EML1: variants seen among roughly 807,000 people sequenced by gnomAD.
EML1 encodes the protein EMAP like 1.
In EML1, 27 loss-of-function variants were observed where a neutral mutation model predicts 110.4. That is an observed-to-expected ratio of 0.24 (90% CI 0.18 to 0.34). The LOEUF (loss-of-function observed/expected upper bound fraction) is 0.34. Ranked by LOEUF, EML1 falls within the 10% of genes least tolerant of loss-of-function variation. The pLI, the probability that EML1 is intolerant of heterozygous loss-of-function variation, is 1.00. For missense variants in EML1, 741 were observed against 1,030.9 expected (o/e 0.72, Z 3.85); for synonymous variants, 344 against 385.8 (o/e 0.89, Z 1.27).
At chr14:99,938,083 C>T (rs1384400698) in intron 20 of EML1, among the ~76,000 whole-genome samples, 171 bp downstream of exon 20, 1 of 152,108 alleles carries the variant, frequency 6.6e-6, no homozygotes, top group African/African-American at 2.4e-5. Context: ...CCTGGGCTTG[C>T]CTGGCCGTGG....
chr14:99,894,256 C>G (rs1414480506), intron 5 of EML1, among the ~76,000 whole-genome samples: 3 of 152,088 alleles, frequency 2.0e-5, no homozygotes, highest in African/African-American at 7.2e-5. Flanking sequence ...ATACATTGAA[C>G]TCAAAAACTT....
At position 99,932,392 on chromosome 14, in the gene EML1, C is replaced by T. The variant is rs139086336; in HGVS notation, c.1910-3637C>T. 4.4e-3 allele frequency among the ~76,000 whole-genome samples: 671 copies of T among 152,182 alleles called. 5 individuals carry two copies. The highest frequency in any genetic ancestry group is 7.9e-3 in the Non-Finnish European group (534 of 68,022). On this transcript the variant is annotated intron_variant, in intron 17 of 21. Coordinates refer to ENST00000262233, the MANE Select transcript of EML1 (RefSeq NM_004434.3). ...GTGGCTCACATCTGTAATCCCAGCA[C>T]TTTGGGAGGCCGAGGCAAGTGGATT... is the stretch of plus-strand genomic sequence containing the variant.
intron 1 of EML1, among the ~76,000 whole-genome samples, chr14:99,811,640 CAAAAAAAA>C (rs71113224): frequency 0.015 from 1,749 of 120,018 alleles, 32 homozygotes; most frequent in African/African-American, 0.053. Context: ...CTGTCTCTAC[CAAAAAAAA>C]AAAAAAAAAA....
chr14:99,836,528 T>C (rs2058543760), intron 1 of EML1, among the ~76,000 whole-genome samples: 1 of 152,226 alleles, frequency 6.6e-6, no homozygotes, highest in African/African-American at 2.4e-5. Flanking sequence ...TTGCACTAGC[T>C]AGGACTTGCA....
intron 1 of EML1, among the ~76,000 whole-genome samples, chr14:99,749,918 G>A (rs577998360): frequency 3.6e-4 from 55 of 152,334 alleles, no homozygotes; most frequent in African/African-American, 1.3e-3. Context: ...GCTGCTCCCC[G>A]ATGGGGTGAC....
intron 17 of EML1, among the ~76,000 whole-genome samples, chr14:99,931,698 A>T (rs1159093169): frequency 6.6e-6 from 1 of 152,170 alleles, no homozygotes; most frequent in South Asian, 2.1e-4. Flanking sequence ...GACCCAAGAA[A>T]CAGGCTGTGC....
At position 99,933,444 on chromosome 14, in the gene EML1, G is replaced by A. The variant is rs534891866; in HGVS notation, c.1910-2585G>A. Among the ~76,000 whole-genome samples, 6 of 152,330 alleles carry A rather than the reference G, an allele frequency of 3.9e-5. 1 individual carries two copies. Among genetic ancestry groups the A allele is most frequent in the Admixed American group, 3.9e-4 (6 of 15,308 alleles). On this transcript the variant is annotated intron_variant, in intron 17 of 21. Coordinates refer to ENST00000262233, the MANE Select transcript of EML1 (RefSeq NM_004434.3). ...GCCCACCTCAGCCTTCCAAAGTGCT[G>A]GGATTAGAAGCGTGAGCCACTGCAC...
At chr14:99,917,468 C>T (rs2060052273) in intron 15 of EML1, among the ~76,000 whole-genome samples, 2 of 152,076 alleles carry the variant, frequency 1.3e-5, no homozygotes, top group Non-Finnish European at 2.9e-5. Flanking sequence ...CCAGCTGCTT[C>T]AGAGGCTGAG....
intron 17 of EML1, among the ~76,000 whole-genome samples, chr14:99,929,704 C>A (rs534683928): frequency 7.2e-5 from 11 of 152,160 alleles, no homozygotes; most frequent in Admixed American, 5.9e-4. Context: ...AGACCTAAGA[C>A]TAAAGAGAGA....
intron 4 of EML1, among the ~76,000 whole-genome samples, chr14:99,881,959 A>G (rs564431250): frequency 6.6e-6 from 1 of 152,226 alleles, no homozygotes; most frequent in Admixed American, 6.5e-5. Flanking sequence ...TTTCTTTACA[A>G]ATGGTCACTG....
intron 1 of EML1, among the ~76,000 whole-genome samples, chr14:99,749,093 G>C (rs543963177): frequency 2.0e-5 from 3 of 152,248 alleles, no homozygotes; most frequent in Non-Finnish European, 2.9e-5. Flanking sequence ...CCACGCTTTG[G>C]CCATGATGAG....
At chr14:99,741,444 T>C (rs1566844405) in intron 1 of EML1, among the ~76,000 whole-genome samples, 1 of 152,078 alleles carries the variant, frequency 6.6e-6, no homozygotes, top group African/African-American at 2.4e-5. Flanking sequence ...CTGGGTGAGC[T>C]GACAGATCCC....
chr14:99,892,436 C>G (rs1314146061), intron 5 of EML1, among the ~76,000 whole-genome samples: 4 of 151,922 alleles, frequency 2.6e-5, no homozygotes, highest in Non-Finnish European at 4.4e-5. Context: ...TTTTTTTCAT[C>G]TATGTAAACC....
chr14:99,738,262 C>T (rs2056993522), intron 1 of EML1, among the ~76,000 whole-genome samples: 1 of 152,312 alleles, frequency 6.6e-6, no homozygotes, highest in South Asian at 2.1e-4. Flanking sequence ...ACACAGCTTC[C>T]GTCTGATTCC....
chr14:99,880,529 G>A (rs1263369990), intron 4 of EML1, among the ~76,000 whole-genome samples: 1 of 152,180 alleles, frequency 6.6e-6, no homozygotes, highest in Non-Finnish European at 1.5e-5. Context: ...GGAGTAGGGA[G>A]GTGGCCCCCA....
chr14:99,793,354 G>T (rs2057704245), upstream of EML1: 5 of 987,366 alleles, frequency 5.1e-6, no homozygotes, highest in Non-Finnish European at 6.0e-6. Flanking sequence ...ACCGGCAGCA[G>T]CAGCCGCCAC....
chr14:99,807,977 C>G (rs2058008674), intron 1 of EML1, among the ~76,000 whole-genome samples: 2 of 152,142 alleles, frequency 1.3e-5, no homozygotes, highest in South Asian at 4.1e-4. Context: ...CTTTATCAGT[C>G]ACGAGCCCCT....
intron 1 of EML1, among the ~76,000 whole-genome samples, chr14:99,828,446 C>T (rs2058395781): frequency 6.6e-6 from 1 of 152,162 alleles, no homozygotes; most frequent in Admixed American, 6.6e-5. Context: ...ATTCAAGGAA[C>T]CCTTATTTTA....
chr14:99,878,408 G>A, intron 3 of EML1, 77 bp from the exon 4 acceptor site: 11 of 1,523,274 alleles, frequency 7.2e-6, no homozygotes, highest in South Asian at 4.0e-5. Context: ...GACGTTCTAT[G>A]TATATATTTG....
Sources: gnomAD v4.1 joint callset for allele counts (sites outside exome capture counted in the v4.1 genomes callset) on GRCh38, gnomAD v4.1.1 for gene constraint, MANE v1.5 for transcripts, NCBI Gene and HGNC (gene_info 2026-07-23, HGNC 2026-07-21) for gene names.